The following LDB2 variants were observed in gnomAD, a reference collection of about 807,000 sequenced individuals.
LDB2 encodes LIM domain-binding protein 2.
LDB2 carries 12 observed loss-of-function variants against 44.3 expected under a neutral mutation model. The observed-to-expected ratio is 0.27, with a 90% CI of 0.17 to 0.44. The LOEUF (loss-of-function observed/expected upper bound fraction) is 0.44, where lower values mean the gene tolerates loss of function less well. Ranked by LOEUF, LDB2 falls within the 20% of genes least tolerant of loss-of-function variation. The pLI, the probability that LDB2 is intolerant of heterozygous loss-of-function variation, is 1.00. For missense variants in LDB2, 344 were observed against 473.5 expected, an observed-to-expected ratio of 0.73 and a Z score of 2.54; for synonymous variants, 164 against 174.8, an observed-to-expected ratio of 0.94 and a Z score of 0.49.
chr4:16,796,549 C>T (rs1776782898), intron 1 of LDB2, among the ~76,000 whole-genome samples: 1 of 152,250 alleles, frequency 6.6e-6, no homozygotes, highest in East Asian at 1.9e-4. Flanking sequence ...GCAGAAGAAT[C>T]ACAAGTGATT....
At chr4:16,800,803 T>C (rs992899848) in intron 1 of LDB2, among the ~76,000 whole-genome samples, 1 of 152,194 alleles carries the variant, frequency 6.6e-6, no homozygotes, top group Non-Finnish European at 1.5e-5. Flanking sequence ...GCCTCCCAAG[T>C]AGCTGGGACT....
chr4:16,538,585 G>T (rs1732663841), intron 5 of LDB2, among the ~76,000 whole-genome samples: 1 of 152,112 alleles, frequency 6.6e-6, no homozygotes, highest in African/African-American at 2.4e-5. Flanking sequence ...CCTGCTAGAG[G>T]CCACCTACAG....
At chr4:16,549,841 C>G (rs896987810) in intron 5 of LDB2, among the ~76,000 whole-genome samples, 1 of 152,094 alleles carries the variant, frequency 6.6e-6, no homozygotes. Context: ...AAATATTTTG[C>G]TAAAGGGCAG....
At chr4:16,517,800 C>G (rs1258803965) in intron 5 of LDB2, among the ~76,000 whole-genome samples, 4 of 152,138 alleles carry the variant, frequency 2.6e-5, no homozygotes, top group African/African-American at 9.7e-5. Context: ...CTTCTGACCT[C>G]TTTTTTCTGG....
Position 16,609,113 on chromosome 4 carries a change from G to A in LDB2, c.236-13238C>T, listed in dbSNP as rs566920610. The stretch of plus-strand genomic sequence containing the variant: ...ACCCATGGAGAGAAGGAAGAACAGC[G>A]CGGGGCAGTGGCCTACCTGAGGGCC... On this transcript the variant is annotated intron_variant, in intron 2 of 7. Coordinates refer to ENST00000304523, the MANE Select transcript of LDB2 (RefSeq NM_001290.5). Among the ~76,000 whole-genome samples, 192 of 152,222 alleles carry A rather than the reference G, an allele frequency of 1.3e-3. 3 individuals are homozygous for A. The South Asian group carries it at 0.037, about 30-fold the overall frequency.
At chr4:16,735,583 G>A (rs1341146944) in intron 2 of LDB2, among the ~76,000 whole-genome samples, 1 of 148,536 alleles carries the variant, frequency 6.7e-6, no homozygotes, top group Non-Finnish European at 1.5e-5. Flanking sequence ...AAAAAAAACA[G>A]CAATTTCTAC....
At chr4:16,834,355 CT>C (rs1784544682) in intron 1 of LDB2, among the ~76,000 whole-genome samples, 1 of 152,222 alleles carries the variant, frequency 6.6e-6, no homozygotes, top group African/African-American at 2.4e-5. Context: ...TCCAGATTCT[CT>C]TGAAAAATCA....
At chr4:16,563,088 G>A (rs1020876014) in intron 5 of LDB2, among the ~76,000 whole-genome samples, 1 of 151,840 alleles carries the variant, frequency 6.6e-6, no homozygotes, top group African/African-American at 2.4e-5. Flanking sequence ...AGAGGGGAGG[G>A]ATAGCATTAG....
At chr4:16,521,528 T>G (rs933550469) in intron 5 of LDB2, among the ~76,000 whole-genome samples, 1 of 152,202 alleles carries the variant, frequency 6.6e-6, no homozygotes, top group Non-Finnish European at 1.5e-5. Flanking sequence ...GGTCACATTC[T>G]AAGTTTCCAG....
chr4:16,540,017 A>G (rs902726639), intron 5 of LDB2, among the ~76,000 whole-genome samples: 1 of 152,220 alleles, frequency 6.6e-6, no homozygotes, highest in Admixed American at 6.5e-5. Context: ...ACTTATAATC[A>G]TGGCAGAAGG....
chr4:16,763,207 A>T (rs192518792), intron 1 of LDB2, among the ~76,000 whole-genome samples: 1 of 152,168 alleles, frequency 6.6e-6, no homozygotes, highest in Admixed American at 6.6e-5. Context: ...TATAATAGGT[A>T]GATAAGATAA....
intron 2 of LDB2, among the ~76,000 whole-genome samples, chr4:16,756,714 C>A (rs1053666666): frequency 2.6e-5 from 4 of 152,030 alleles, no homozygotes; most frequent in Non-Finnish European, 5.9e-5. Context: ...CAGCAATTAA[C>A]AAAACAGAGC....
intron 2 of LDB2, among the ~76,000 whole-genome samples, chr4:16,739,732 G>GTA (rs1762836790): frequency 4.7e-4 from 20 of 42,170 alleles, no homozygotes; most frequent in African/African-American, 1.8e-3. Flanking sequence ...ACATATATGT[G>GTA]TATATACATA....
intron 7 of LDB2, chr4:16,505,725 A>C: frequency 1.0e-6 from 1 of 964,338 alleles, no homozygotes; most frequent in Non-Finnish European, 1.5e-6. Flanking sequence ...AGAGGTCCAT[A>C]TGCCCTCAGC....
chr4:16,581,383 C>A, intron 5 of LDB2: 5 of 982,556 alleles, frequency 5.1e-6, no homozygotes, highest in Non-Finnish European at 6.0e-6. Context: ...CTCCCAAGCC[C>A]ATGTCACAGT....
At chr4:16,652,328 T>G (rs751454486) in intron 2 of LDB2, among the ~76,000 whole-genome samples, 1 of 152,168 alleles carries the variant, frequency 6.6e-6, no homozygotes, top group Non-Finnish European at 1.5e-5. Context: ...AACTAAAAAA[T>G]CTTGATGAAA....
chr4:16,797,759 G>C (rs995438237), intron 1 of LDB2, among the ~76,000 whole-genome samples: 7 of 151,944 alleles, frequency 4.6e-5, no homozygotes, highest in Admixed American at 3.3e-4. Context: ...AATCAAGGCT[G>C]GGCATGGTGG....
intron 2 of LDB2, among the ~76,000 whole-genome samples, chr4:16,650,078 G>A (rs1446465308): frequency 6.6e-6 from 1 of 152,164 alleles, no homozygotes; most frequent in Non-Finnish European, 1.5e-5. Flanking sequence ...AAACTTTTCT[G>A]CTGTTTAATC....
intron 2 of LDB2, among the ~76,000 whole-genome samples, chr4:16,693,655 T>A (rs374059933): frequency 6.6e-6 from 1 of 152,200 alleles, no homozygotes; most frequent in South Asian, 2.1e-4. Context: ...GTGTTTCTAG[T>A]TCTGTGACAA....
Sources: gnomAD v4.1 joint callset for allele counts (sites outside exome capture counted in the v4.1 genomes callset) on GRCh38, gnomAD v4.1.1 for gene constraint, MANE v1.5 for transcripts, NCBI Gene and HGNC (gene_info 2026-07-23, HGNC 2026-07-21) for gene names.